Variants in CACNA2D3 observed in about 807,000 individuals in gnomAD.
The protein encoded by CACNA2D3 is calcium voltage-gated channel auxiliary subunit alpha2delta 3, also known as voltage-dependent calcium channel subunit alpha-2/delta-3.
Under a neutral mutation model 160.6 loss-of-function variants are expected in CACNA2D3, and 60 were observed. The observed-to-expected ratio is 0.37, with a 90% CI of 0.30 to 0.46. CACNA2D3 has a LOEUF of 0.46. Ranked by LOEUF, CACNA2D3 falls within the 20% of genes least tolerant of loss-of-function variation. The probability of loss-of-function intolerance (pLI) is 1.00; values close to 1 mark genes in which losing one functional copy is unlikely to be tolerated. For synonymous variants in CACNA2D3, 558 were observed against 492.9 expected (o/e 1.13, Z -1.75); for missense variants, 1,205 against 1,365.0 (o/e 0.88, Z 1.85).
At chr3:54,469,814 C>T (rs909638989) in intron 4 of CACNA2D3, among the ~76,000 whole-genome samples, 10 of 151,370 alleles carry the variant, frequency 6.6e-5, no homozygotes, top group Admixed American at 4.6e-4. Context: ...GCCGATCAAG[C>T]GGAAGAAAGG....
At chr3:54,679,462 T>A (rs939711511) in intron 11 of CACNA2D3, among the ~76,000 whole-genome samples, 4 of 152,190 alleles carry the variant, frequency 2.6e-5, no homozygotes, top group African/African-American at 9.7e-5. Flanking sequence ...TCTGTGTGCA[T>A]CAATCCCTGG....
At position 54,969,796 on chromosome 3, in the gene CACNA2D3, A is replaced by AC; in HGVS notation, c.2512-3dup. The AC allele has an allele frequency of 1.2e-6, 2 of 1,611,552 alleles. No homozygotes were observed. The highest frequency in any genetic ancestry group is 1.7e-6 in the Non-Finnish European group (2 of 1,178,752). ...ACATTTCCCTCCACTTTTTGCCTTCACAGTGTGCTTCCCTGGATGGCAAAT... is the reference window on the plus strand; with the variant it reads ...ACATTTCCCTCCACTTTTTGCCTTCACCAGTGTGCTTCCCTGGATGGCAAAT... On this transcript the variant is annotated splice_region_variant and splice_polypyrimidine_tract_variant and intron_variant, in intron 28 of 37. Coordinates refer to ENST00000474759, the MANE Select transcript of CACNA2D3 (RefSeq NM_018398.3).
chr3:54,376,090 G>A (rs1409376807), intron 3 of CACNA2D3, among the ~76,000 whole-genome samples: 1 of 152,008 alleles, frequency 6.6e-6, no homozygotes, highest in Non-Finnish European at 1.5e-5. Flanking sequence ...GGGTCTTATG[G>A]CCCATGAGAC....
chr3:54,220,671 C>T (rs1455434727), intron 2 of CACNA2D3, among the ~76,000 whole-genome samples: 1 of 152,144 alleles, frequency 6.6e-6, no homozygotes, highest in Admixed American at 6.5e-5. Context: ...TAGCCCCCAT[C>T]GTCCCTGTCC....
At chr3:55,024,354 A>T (rs1185664818) in intron 35 of CACNA2D3, among the ~76,000 whole-genome samples, 1 of 151,992 alleles carries the variant, frequency 6.6e-6, no homozygotes, top group Non-Finnish European at 1.5e-5. Flanking sequence ...AAACAGTCAC[A>T]TGTAACATGT....
chr3:54,648,036 A>C (rs1699686906), intron 11 of CACNA2D3, among the ~76,000 whole-genome samples: 1 of 152,200 alleles, frequency 6.6e-6, no homozygotes, highest in Non-Finnish European at 1.5e-5. Flanking sequence ...TTTCCAAGTG[A>C]ACTAAAAAAA....
intron 4 of CACNA2D3, among the ~76,000 whole-genome samples, chr3:54,388,967 C>T (rs962369838): frequency 2.0e-5 from 3 of 152,052 alleles, no homozygotes; most frequent in African/African-American, 7.2e-5. Flanking sequence ...AATAAGAATC[C>T]ATGAGTCCGC....
intron 11 of CACNA2D3, among the ~76,000 whole-genome samples, chr3:54,748,460 T>G (rs1701797376): frequency 6.6e-6 from 1 of 152,180 alleles, no homozygotes; most frequent in Non-Finnish European, 1.5e-5. Flanking sequence ...ACTTTGAACT[T>G]TCAAAGTCTA....
chr3:54,869,242 G>C (rs538647686), intron 17 of CACNA2D3, among the ~76,000 whole-genome samples: 43 of 152,330 alleles, frequency 2.8e-4, no homozygotes, highest in African/African-American at 1.0e-3. Flanking sequence ...GGCTGGTGTT[G>C]GGTGGGGTGT....
intron 9 of CACNA2D3, among the ~76,000 whole-genome samples, chr3:54,605,169 C>T (rs955182030): frequency 6.6e-6 from 1 of 152,126 alleles, no homozygotes; most frequent in African/African-American, 2.4e-5. Flanking sequence ...TCTAAAGACA[C>T]CAGTCATATT....
intron 27 of CACNA2D3, among the ~76,000 whole-genome samples, chr3:54,958,941 A>C (rs1420684077): frequency 1.3e-5 from 2 of 152,010 alleles, no homozygotes; most frequent in Non-Finnish European, 2.9e-5. Context: ...CTGTCTCTAC[A>C]AAAAACACAA....
At chr3:54,794,864 T>C (rs945726493) in intron 13 of CACNA2D3, among the ~76,000 whole-genome samples, 6 of 152,102 alleles carry the variant, frequency 3.9e-5, no homozygotes, top group Admixed American at 2.0e-4. Context: ...TATTACACAG[T>C]GCCTTGGTAT....
intron 5 of CACNA2D3, among the ~76,000 whole-genome samples, chr3:54,559,453 C>A (rs61562435): frequency 2.0e-5 from 3 of 152,002 alleles, no homozygotes; most frequent in African/African-American, 7.3e-5. Context: ...CCACCACGCC[C>A]AGCTAGTTTT....
At chr3:54,870,750 A>G (rs1001078648) in intron 17 of CACNA2D3, among the ~76,000 whole-genome samples, 8 of 152,058 alleles carry the variant, frequency 5.3e-5, no homozygotes, top group African/African-American at 1.7e-4. Flanking sequence ...ATGATTCCCA[A>G]TACCCTCATC....
intron 35 of CACNA2D3, among the ~76,000 whole-genome samples, chr3:55,058,941 T>C (rs1371354817): frequency 6.6e-6 from 1 of 152,196 alleles, no homozygotes. Context: ...CGCCGCTCTT[T>C]TTTTCTATGC....
chr3:54,838,050 A>G (rs944808928), intron 15 of CACNA2D3, among the ~76,000 whole-genome samples: 4 of 152,178 alleles, frequency 2.6e-5, no homozygotes, highest in African/African-American at 9.6e-5. Context: ...TGCCTTGGAA[A>G]ATGGGGCTCC....
At chr3:54,658,100 GT>G (rs1163199684) in intron 11 of CACNA2D3, among the ~76,000 whole-genome samples, 3 of 152,220 alleles carry the variant, frequency 2.0e-5, no homozygotes, top group African/African-American at 4.8e-5. Context: ...ACATTGCATT[GT>G]TTCCATATCT....
chr3:54,778,318 C>T (rs964637169), intron 13 of CACNA2D3, among the ~76,000 whole-genome samples: 10 of 152,204 alleles, frequency 6.6e-5, no homozygotes, highest in East Asian at 5.8e-4. Context: ...TTCCCCATTC[C>T]GTGCCGCCAT....
intron 2 of CACNA2D3, among the ~76,000 whole-genome samples, chr3:54,252,833 A>G (rs1702221678): frequency 3.9e-5 from 6 of 152,046 alleles, no homozygotes; most frequent in Admixed American, 3.9e-4. Flanking sequence ...TGAGGCCGGG[A>G]AGTAGAGAGG....
Sources: allele counts gnomAD v4.1 joint callset (sites outside exome capture counted in the v4.1 genomes callset), GRCh38; gene constraint gnomAD v4.1.1; transcripts MANE v1.5; gene names NCBI Gene and HGNC (gene_info 2026-07-23, HGNC 2026-07-21).